The following CAPN12 variants were observed in gnomAD, a reference collection of about 807,000 sequenced individuals.
CAPN12 encodes the protein calpain 12.
Under a neutral mutation model 95.0 loss-of-function variants are expected in CAPN12, and 107 were observed. That is an observed-to-expected ratio of 1.13 (90% CI 0.96 to 1.32). The LOEUF is 1.32. Ranked by LOEUF, CAPN12 falls within the 40% of genes most tolerant of loss-of-function variation. The pLI is 0.00. For missense variants in CAPN12, 1,136 were observed against 997.8 expected, an observed-to-expected ratio of 1.14 and a Z score of -1.87; for synonymous variants, 505 against 415.5, an observed-to-expected ratio of 1.22 and a Z score of -2.62.
chr19:38,743,890 C>T (rs760124668), intron 1 of CAPN12, 39 bp downstream of exon 1: 21 of 1,595,700 alleles, frequency 1.3e-5, no homozygotes, highest in Non-Finnish European at 1.6e-5. Context: ...AGCCCCTCCT[C>T]CCTCAGACCC....
At position 38,742,445 on chromosome 19, in the gene CAPN12, A is replaced by T; in HGVS notation, c.391T>A (p.Phe131Ile). ...AAGACGCCTGCGTAGCCATGCTGGA[A>T]ATCCTGTCCAGGAGGGACCACCCGG... is the stretch of plus-strand genomic sequence containing the variant. ...LRRVVPPGQD[F>I]QHGYAGVFHF... The change falls in exon 3 of 21, where the codon TTC becomes ATC. Residue 131 changes from phenylalanine to isoleucine, a missense_variant. Phe to Ile is a conservative substitution (Grantham distance 21). Coordinates refer to ENST00000328867, the MANE Select transcript of CAPN12 (RefSeq NM_144691.4). 6.2e-7 allele frequency: 1 copy of T among 1,614,102 alleles called. No homozygotes were observed. The highest frequency in any genetic ancestry group is 8.5e-7 in the Non-Finnish European group (1 of 1,179,986).
At chr19:38,739,582 G>A (rs1399650577) in intron 5 of CAPN12, 1 of 152,964 alleles carries the variant, frequency 6.5e-6, no homozygotes, top group Non-Finnish European at 1.5e-5. Context: ...GTAAATGAAT[G>A]AGTGAAGGAG....
intron 18 of CAPN12, 64 bp downstream of exon 18, chr19:38,733,639 G>A: frequency 1.4e-6 from 2 of 1,428,420 alleles, no homozygotes; most frequent in East Asian, 2.3e-5. Flanking sequence ...AGGGGGACTT[G>A]GAGACAATGG....
At position 38,742,401 on chromosome 19, in the gene CAPN12, G is replaced by A; in HGVS notation, c.426+9C>T. The A allele has an allele frequency of 6.3e-7, 1 of 1,592,804 alleles. No homozygotes were observed. Among genetic ancestry groups the A allele is most frequent in the Non-Finnish European group, 8.6e-7 (1 of 1,160,716 alleles). The stretch of plus-strand genomic sequence containing the variant: ...AAACGGAGGCATGGGCAGAGGAACT[G>A]AGCTGTACCTGGAAGTGGAAGACGC... On this transcript the variant is annotated intron_variant, in intron 3 of 20. Transcript: ENST00000328867.
rs1969513023 is a variant in CAPN12 at position 38,730,651 on chromosome 19, G to A, written c.*201C>T. On this transcript the variant is annotated 3_prime_UTR_variant, in exon 21 of 21. Coordinates refer to ENST00000328867, the MANE Select transcript of CAPN12 (RefSeq NM_144691.4). ...GTGGACTAGCTCGTGTCATCTGCTC[G>A]AGAAGGGCTGTCGCTGTTCTTGTTT... is the stretch of plus-strand genomic sequence containing the variant. 1.7e-5 allele frequency: 11 copies of A among 643,242 alleles called. No homozygotes were observed. Among genetic ancestry groups the A allele is most frequent in the South Asian group, 9.2e-5 (5 of 54,210 alleles). The allele number at this position is 643,242 out of a possible 1,614,324, so 39.8% of individuals were successfully genotyped here.
At position 38,737,553 on chromosome 19, in the gene CAPN12, C is replaced by G. The variant is rs141065284; in HGVS notation, c.1051G>C (p.Gly351Arg). ...AAGGTGTGGACGTGCCAGCCGCCCC[C>G]CTCCGGGCTGGGGCCCAGCACCTCC... ...SPEVLGPSPEGGGWHVHTFQG... is the reference protein window; with the variant it reads ...SPEVLGPSPERGGWHVHTFQG... Residue 351 changes from glycine (G) to arginine (R), a missense_variant, in exon 9 of 21, where the codon GGG (glycine) becomes CGG (arginine). Gly to Arg is a moderately radical substitution (Grantham distance 125). Transcript: ENST00000328867. The G allele has an allele frequency of 2.7e-3, 4,405 of 1,612,468 alleles. 8 individuals carry two copies. Among genetic ancestry groups the G allele is most frequent in the African/African-American group, 4.8e-3 (357 of 75,038 alleles).
intron 10 of CAPN12, 48 bp downstream of exon 10, chr19:38,737,108 C>G: frequency 1.4e-6 from 2 of 1,479,086 alleles, no homozygotes; most frequent in South Asian, 2.4e-5. Flanking sequence ...GGCCCCGCCC[C>G]TCCACCCTCC....
intron 10 of CAPN12, 76 bp downstream of exon 10, chr19:38,737,080 T>A: frequency 5.7e-4 from 106 of 185,206 alleles, no homozygotes; most frequent in Non-Finnish European, 8.2e-4. Flanking sequence ...CCTCCATGCC[T>A]CCCCCGCTCC....
rs945135384 is a variant in CAPN12 at position 38,736,222 on chromosome 19, G to A, written c.1471C>T (p.Arg491Cys). 6.7e-6 allele frequency: 10 copies of A among 1,498,566 alleles called. No individual in the cohort carries two copies. The East Asian group carries it at 8.3e-5, about 12-fold the overall frequency. 92.8% of individuals were successfully genotyped at this position (1,498,566 alleles called of 1,614,324 possible). A position where few individuals can be genotyped will look rare whatever the true frequency, so the allele number is the denominator to read the frequency against. The part of the protein sequence containing the change: ...SPLSARRDVT[R>C]RCCLRPGHYL... Reference sequence around the variant, plus strand: ...TGGCCTGGACGCAGGCAGCAGCGGCGGGTCACGTCGCGGCGGGCGCTGAGG... The same window carrying A: ...TGGCCTGGACGCAGGCAGCAGCGGCAGGTCACGTCGCGGCGGGCGCTGAGG... The change falls in exon 12 of 21, where the codon CGC becomes TGC. Residue 491 changes from arginine to cysteine, a missense_variant. Arg to Cys is a radical substitution (Grantham distance 180). Transcript: ENST00000328867.
chr19:38,744,593 C>A, upstream of CAPN12: 1 of 239,150 alleles, frequency 4.2e-6, no homozygotes, highest in Non-Finnish European at 8.4e-6. Context: ...TTCTCTCTCC[C>A]CGCCTTCATG....
At chr19:38,742,025 C>G (rs1251168039) in intron 3 of CAPN12, 115 bp from the exon 4 acceptor site, 1 of 1,448,340 alleles carries the variant, frequency 6.9e-7, no homozygotes, top group Non-Finnish European at 9.3e-7. Flanking sequence ...TCAACGTTAA[C>G]TATGAAATCC....
intron 20 of CAPN12, 22 bp from the exon 21 acceptor site, chr19:38,730,900 G>C: frequency 6.4e-7 from 1 of 1,551,136 alleles, no homozygotes; most frequent in South Asian, 1.2e-5. Context: ...AAGGAAGACA[G>C]TGGCTTGAGG....
intron 15 of CAPN12, 25 bp downstream of exon 15, chr19:38,734,788 C>G: frequency 6.2e-7 from 1 of 1,609,744 alleles, no homozygotes; most frequent in South Asian, 1.1e-5. Context: ...GACCCCTCCT[C>G]CTGCCCCTAT....
chr19:38,733,779 G>A lies in CAPN12; in HGVS notation c.1881C>T (p.Ala627=), dbSNP rs758196333. 1.1e-5 allele frequency: 18 copies of A among 1,612,824 alleles called. No homozygotes were observed. The highest frequency in any genetic ancestry group is 1.5e-5 in the Non-Finnish European group (18 of 1,179,472). The change falls in exon 18 of 21, where the codon GCC becomes GCT. Residue 627 remains alanine (A), a splice_region_variant and synonymous_variant. Transcript: ENST00000328867. The stretch of plus-strand genomic sequence containing the variant: ...TGTCCTCATCGAACTTGTTAAATAT[G>A]GCCTGGGCAGGAAGGATGAGTCAGG... ...QLWGYLLEWQ[A]IFNKFDEDTS...
At chr19:38,742,706 C>T (rs1164466892) in intron 2 of CAPN12, among the ~76,000 whole-genome samples, 178 bp from the exon 3 acceptor site, 1 of 151,958 alleles carries the variant, frequency 6.6e-6, no homozygotes, top group Non-Finnish European at 1.5e-5. Context: ...TAAAAATTAG[C>T]TGGGCATGGT....
Position 38,734,105 on chromosome 19 carries a change from C to T in CAPN12, c.1878+37G>A, listed in dbSNP as rs762965742. ...CCTATGTCTCTGTTAGTAAAGGTTTCTCTCTTTCTGGGAAGAGGCCCAGTC... is the reference window on the plus strand; with the variant it reads ...CCTATGTCTCTGTTAGTAAAGGTTTTTCTCTTTCTGGGAAGAGGCCCAGTC... On this transcript the variant is annotated intron_variant, in intron 17 of 20. Transcript: ENST00000328867. 1.5e-5 allele frequency: 24 copies of T among 1,609,154 alleles called. No homozygotes were observed. In the East Asian group the frequency reaches 4.5e-4, roughly 30 times the overall value.
rs764685305 is a variant in CAPN12, at chr19:38,736,578, A to AGCAAGGGGCGTCGGGGCAAGGG, written c.1363-16_1363-15insCCCTTGCCCCGACGCCCCTTGC. On this transcript the variant is annotated splice_polypyrimidine_tract_variant and intron_variant, in intron 10 of 20. Transcript: ENST00000328867. The stretch of plus-strand genomic sequence containing the variant: ...TCCTCTGGAATCTGAAAGAAGCAAG[A>AGCAAGGGGCGTCGGGGCAAGGG]GCAAGGGGCGTCGGGGCAGGGGAGA... The AGCAAGGGGCGTCGGGGCAAGGG allele has an allele frequency of 6.2e-7, 1 of 1,604,566 alleles. No individual in the cohort carries two copies. The highest frequency in any genetic ancestry group is 1.7e-5 in the Admixed American group (1 of 59,198).
chr19:38,744,514 G>A (rs975132935), upstream of CAPN12: 6 of 369,390 alleles, frequency 1.6e-5, no homozygotes, highest in East Asian at 3.5e-4. Context: ...TGTGGGGCTG[G>A]GGAAGGAGGC....
In CAPN12 at chr19:38,735,256, G is replaced by A. The variant is rs547361870; in HGVS notation, c.1686+114C>T. 400 of 1,055,536 alleles carry A rather than the reference G, an allele frequency of 3.8e-4. No homozygotes were observed. The African/African-American group carries it at 4.6e-3, about 12-fold the overall frequency. 65.4% of individuals were successfully genotyped at this position (1,055,536 alleles called of 1,614,324 possible). On this transcript the variant is annotated intron_variant, in intron 14 of 20. Coordinates refer to ENST00000328867, the MANE Select transcript of CAPN12 (RefSeq NM_144691.4). ...AGAAAAGGTCAGGAGATTTAAGCCC[G>A]GAGGGAGGAAAAAGCAAGCAAAATG...
Sources: gnomAD v4.1 joint callset for allele counts (sites outside exome capture counted in the v4.1 genomes callset) on GRCh38, gnomAD v4.1.1 for gene constraint, MANE v1.5 for transcripts, NCBI Gene and HGNC (gene_info 2026-07-23, HGNC 2026-07-21) for gene names.